The following NMNAT1 variants were observed in gnomAD, a reference collection of about 807,000 sequenced individuals.
NMNAT1 encodes the protein nicotinamide/nicotinic acid mononucleotide adenylyltransferase 1.
In NMNAT1, 11 loss-of-function variants were observed where a neutral mutation model predicts 16.7. The ratio of observed to expected loss-of-function variants is 0.66; its 90% confidence interval spans 0.41 to 1.09. The LOEUF (loss-of-function observed/expected upper bound fraction) is 1.09, where lower values mean the gene tolerates loss of function less well. Among genes scored for constraint, NMNAT1 ranks in the 50% least tolerant of loss-of-function variants. The pLI is 0.00. For missense variants in NMNAT1, 280 were observed against 332.3 expected (o/e 0.84, Z 1.22); for synonymous variants, 110 against 119.8 (o/e 0.92, Z 0.53).
intron 1 of NMNAT1, among the ~76,000 whole-genome samples, chr1:9,946,405 A>ATAATAATAATATTAT (rs1640980895): frequency 6.6e-6 from 1 of 152,194 alleles, no homozygotes; most frequent in Non-Finnish European, 1.5e-5. Flanking sequence ...AGTCACTGGG[A>ATAATAATAATATTAT]AACCAGATAA....
the NMNAT1 span, among the ~76,000 whole-genome samples, chr1:9,993,180 T>C: frequency 6.6e-6 from 1 of 151,604 alleles, no homozygotes; most frequent in South Asian, 2.1e-4. Context: ...AAATTTCCTT[T>C]TAAGAAAAAC....
chr1:9,956,800 T>C, intron 1 of NMNAT1, among the ~76,000 whole-genome samples: 1 of 143,680 alleles, frequency 7.0e-6, no homozygotes. Flanking sequence ...GGTGTGATCT[T>C]GGCTCACTGC....
intron 1 of NMNAT1, among the ~76,000 whole-genome samples, chr1:9,954,441 C>T (rs2101650093): frequency 6.6e-6 from 1 of 152,106 alleles, no homozygotes; most frequent in South Asian, 2.1e-4. Flanking sequence ...GAACTCCTGA[C>T]TTCACACGAT....
intron 4 of NMNAT1, chr1:9,981,833 A>C (rs1216417053): frequency 6.5e-6 from 1 of 154,942 alleles, no homozygotes; most frequent in Non-Finnish European, 1.4e-5. Flanking sequence ...GATTCTCATA[A>C]AATAAAAGCT....
intron 2 of NMNAT1, among the ~76,000 whole-genome samples, chr1:9,972,682 G>A (rs1641716483): frequency 6.6e-6 from 1 of 152,054 alleles, no homozygotes; most frequent in Non-Finnish European, 1.5e-5. Flanking sequence ...ATACAGCCAG[G>A]TACAGTGGCT....
chr1:9,996,227 C>T, the NMNAT1 span, among the ~76,000 whole-genome samples: 2 of 150,456 alleles, frequency 1.3e-5, no homozygotes, highest in East Asian at 2.0e-4. Flanking sequence ...AGGAGAATGG[C>T]GTGAACCCCG....
At chr1:9,995,191 G>T in the NMNAT1 span, among the ~76,000 whole-genome samples, 1 of 152,052 alleles carries the variant, frequency 6.6e-6, no homozygotes, top group African/African-American at 2.4e-5. Context: ...GAGCCTAGGA[G>T]TTTGAGACCA....
intron 1 of NMNAT1, 91 bp from the exon 2 acceptor site, chr1:9,971,927 A>G: frequency 1.6e-6 from 1 of 616,400 alleles, no homozygotes; most frequent in East Asian, 2.7e-5. Flanking sequence ...CTGTGGTTGC[A>G]TCACTACACT....
chr1:9,975,911 T>C, intron 3 of NMNAT1, 136 bp downstream of exon 3: 1 of 684,702 alleles, frequency 1.5e-6, no homozygotes, highest in Middle Eastern at 3.0e-4. Context: ...AAGCCATTCC[T>C]GTGGAAGGTT....
rs75269186 is a variant in NMNAT1 at position 9,943,534 on chromosome 1, G to A, written c.-57+19G>A. ...GGGCGCGGTAAGCTCCCCGCAAGGA[G>A]CCCCTGAGAAACTGGTCGCTTTTTG... On this transcript the variant is annotated intron_variant, in intron 1 of 4. Transcript: ENST00000377205. 4.5e-3 allele frequency: 680 copies of A among 152,510 alleles called. 3 individuals carry two copies. The highest frequency in any genetic ancestry group is 7.9e-3 in the Non-Finnish European group (535 of 68,148). 9.4% of individuals were successfully genotyped at this position (152,510 alleles called of 1,614,324 possible). A position where few individuals can be genotyped will look rare whatever the true frequency, so the allele number is the denominator to read the frequency against.
At chr1:9,954,620 C>T (rs112952387) in intron 1 of NMNAT1, among the ~76,000 whole-genome samples, 8,909 of 152,126 alleles carry the variant, frequency 0.059, 345 homozygotes, top group South Asian at 0.12. Flanking sequence ...AATATTATAA[C>T]ACTAAAGAAT....
intron 1 of NMNAT1, among the ~76,000 whole-genome samples, chr1:9,968,068 G>GT (rs1400220756): frequency 0.066 from 4,195 of 63,718 alleles, 231 homozygotes; most frequent in African/African-American, 0.13. Context: ...GCCAAATGTA[G>GT]TTTTTTTTTT....
At chr1:9,975,831 GT>G in intron 3 of NMNAT1, 56 bp downstream of exon 3, 1 of 1,368,642 alleles carries the variant, frequency 7.3e-7, no homozygotes, top group Non-Finnish European at 1.0e-6. Flanking sequence ...AGCGGCTTAT[GT>G]TTTTACCATG....
downstream of NMNAT1, among the ~76,000 whole-genome samples, chr1:9,985,732 G>A (rs745993607): frequency 1.3e-5 from 2 of 152,116 alleles, no homozygotes; most frequent in African/African-American, 2.4e-5. Context: ...GCACAGTCTC[G>A]GCTCACTGCA....
intron 1 of NMNAT1, among the ~76,000 whole-genome samples, chr1:9,949,012 G>A (rs1295254601): frequency 1.3e-5 from 2 of 151,030 alleles, no homozygotes; most frequent in Admixed American, 1.3e-4. Flanking sequence ...GCTCACGCCT[G>A]TAATCCCAGC....
chr1:9,952,513 C>T (rs1641139703), intron 1 of NMNAT1: 1 of 151,960 alleles, frequency 6.6e-6, no homozygotes, highest in East Asian at 1.9e-4. Flanking sequence ...GTTTAATCAT[C>T]TCAGAAAGAA....
chr1:9,975,426 A>G (rs1641783785), intron 2 of NMNAT1, among the ~76,000 whole-genome samples, 166 bp from the exon 3 acceptor site: 1 of 152,134 alleles, frequency 6.6e-6, no homozygotes, highest in Non-Finnish European at 1.5e-5. Flanking sequence ...GCTTCAACCC[A>G]GGAGGCGGAG....
chr1:9,943,257 A>T (rs1259030225), upstream of NMNAT1: 1 of 157,522 alleles, frequency 6.3e-6, no homozygotes, highest in Non-Finnish European at 1.4e-5. Flanking sequence ...ACCTGACAAA[A>T]ACTGGGACAA....
intron 3 of NMNAT1, among the ~76,000 whole-genome samples, chr1:9,977,658 G>C (rs1472873207): frequency 6.6e-6 from 1 of 151,998 alleles, no homozygotes. Context: ...CCTGAGTCCA[G>C]TAGTTCAAGA....
Sources: allele counts gnomAD v4.1 joint callset (sites outside exome capture counted in the v4.1 genomes callset), GRCh38; gene constraint gnomAD v4.1.1; transcripts MANE v1.5; gene names NCBI Gene and HGNC (gene_info 2026-07-23, HGNC 2026-07-21).